The following SHQ1 variants were observed in gnomAD, a reference collection of about 807,000 sequenced individuals.
SHQ1 encodes the protein protein SHQ1 homolog.
Under a neutral mutation model 53.8 loss-of-function variants are expected in SHQ1, and 49 were observed. That is an observed-to-expected ratio of 0.91 (90% CI 0.72 to 1.16). The LOEUF is 1.16. Ranked by LOEUF, SHQ1 falls within the 50% of genes most tolerant of loss-of-function variation. The pLI is 0.00. For synonymous variants in SHQ1, 243 were observed against 251.0 expected (o/e 0.97, Z 0.30); for missense variants, 738 against 683.1 (o/e 1.08, Z -0.90).
chr3:72,844,388 C>T lies in SHQ1; in HGVS notation c.179G>A (p.Ser60Asn). ...ATCTGCATCATAGGACCCTTGCTCA[C>T]TTCCATTTTCTACAATTCTTCCAGG... ...TLPGRIVENG[S>N]EQGSYDADKG... Residue 60 changes from serine to asparagine, a missense_variant, in exon 2 of 11, where the codon AGT becomes AAT. Ser to Asn is a conservative substitution (Grantham distance 46, BLOSUM62 1). Coordinates refer to ENST00000325599, the MANE Select transcript of SHQ1 (RefSeq NM_018130.3). The T allele has an allele frequency of 1.9e-6, 3 of 1,613,858 alleles. No individual in the cohort carries two copies.
chr3:72,844,999 G>GA (rs1457078512), intron 1 of SHQ1, among the ~76,000 whole-genome samples: 7 of 152,106 alleles, frequency 4.6e-5, no homozygotes, highest in Admixed American at 1.3e-4. Context: ...CAAAACTCTA[G>GA]AAAATCTGAA....
intron 3 of SHQ1, among the ~76,000 whole-genome samples, chr3:72,841,814 C>T (rs1319218077): frequency 6.6e-6 from 1 of 152,174 alleles, no homozygotes; most frequent in Non-Finnish European, 1.5e-5. Context: ...CCTTCGCAGG[C>T]ACAGTTCACA....
intron 5 of SHQ1, among the ~76,000 whole-genome samples, chr3:72,828,725 T>C (rs1269887744): frequency 6.6e-6 from 1 of 151,910 alleles, no homozygotes; most frequent in African/African-American, 2.4e-5. Flanking sequence ...CCGTGTGGTA[T>C]AGGTGGGGAA....
chr3:72,732,044 A>T, the SHQ1 span, among the ~76,000 whole-genome samples: 1 of 151,638 alleles, frequency 6.6e-6, no homozygotes, highest in Non-Finnish European at 1.5e-5. Flanking sequence ...ACAGGTCACC[A>T]GGGAAATCCC....
rs1707350385 is a variant in SHQ1 at position 72,817,357 on chromosome 3, T to A, written c.755A>T (p.Gln252Leu). Residue 252 changes from glutamine (Q) to leucine (L), a missense_variant, in exon 7 of 11, where the codon CAG (glutamine) becomes CTG (leucine). By Grantham distance (113) the Gln-to-Leu change is moderately radical. Transcript: ENST00000325599. ...LVSFSEEEKY[Q>L]LRKFVNKSYL... ...AGATTTATTGACAAATTTTCGTAGC[T>A]GATACTTCTCTTCTTCAGAAAAAGA... 1.2e-6 allele frequency: 2 copies of A among 1,612,122 alleles called. No homozygotes were observed. The highest frequency in any genetic ancestry group is 2.7e-5 in the African/African-American group (2 of 74,862).
At chr3:72,789,648 T>C (rs965441935) in intron 10 of SHQ1, among the ~76,000 whole-genome samples, 5 of 152,362 alleles carry the variant, frequency 3.3e-5, no homozygotes, top group Middle Eastern at 3.4e-3. Flanking sequence ...ATAGGTATCA[T>C]TCAATTTGAG....
intron 10 of SHQ1, among the ~76,000 whole-genome samples, chr3:72,784,080 A>G (rs1000569644): frequency 2.0e-5 from 3 of 151,962 alleles, no homozygotes; most frequent in African/African-American, 7.3e-5. Context: ...GGAACTCTGT[A>G]CTATCTCTGC....
At chr3:72,745,937 G>T (rs1449235245), downstream of SHQ1, among the ~76,000 whole-genome samples, 1 of 151,702 alleles carries the variant, frequency 6.6e-6, no homozygotes, top group Non-Finnish European at 1.5e-5. Flanking sequence ...CCGCCTCCCA[G>T]GTTCAAGTGA....
At chr3:72,738,574 C>A in the SHQ1 span, among the ~76,000 whole-genome samples, 2 of 152,166 alleles carry the variant, frequency 1.3e-5, no homozygotes, top group Non-Finnish European at 2.9e-5. Flanking sequence ...TCTGACTCTT[C>A]TAGGACAGCC....
intron 10 of SHQ1, chr3:72,772,680 G>T: frequency 1.4e-6 from 1 of 723,466 alleles, no homozygotes; most frequent in Non-Finnish European, 2.6e-6. Context: ...CTTCCATCAA[G>T]TAAGAGCTTG....
At chr3:72,725,442 G>A in the SHQ1 span, among the ~76,000 whole-genome samples, 1 of 152,092 alleles carries the variant, frequency 6.6e-6, no homozygotes, top group Non-Finnish European at 1.5e-5. Flanking sequence ...TCATCCTGGG[G>A]CCTCACAGGG....
intron 10 of SHQ1, among the ~76,000 whole-genome samples, chr3:72,788,389 A>G (rs375115272): frequency 5.8e-4 from 85 of 146,516 alleles, no homozygotes; most frequent in African/African-American, 2.0e-3. Context: ...GGTGAGGAGC[A>G]TCTCTGACCA....
At chr3:72,732,474 C>T in the SHQ1 span, among the ~76,000 whole-genome samples, 2 of 148,352 alleles carry the variant, frequency 1.3e-5, no homozygotes, top group Non-Finnish European at 3.0e-5. Flanking sequence ...TTACTTGTAT[C>T]CAAACACATT....
intron 10 of SHQ1, among the ~76,000 whole-genome samples, chr3:72,784,593 AC>A (rs1375367178): frequency 1.3e-5 from 2 of 152,254 alleles, no homozygotes; most frequent in Non-Finnish European, 2.9e-5. Context: ...CAGAATAAGC[AC>A]CTTACCAAGA....
chr3:72,780,443 T>A (rs1017017761), intron 10 of SHQ1, among the ~76,000 whole-genome samples: 2 of 152,232 alleles, frequency 1.3e-5, no homozygotes, highest in African/African-American at 4.8e-5. Flanking sequence ...TTTCTTCTAG[T>A]AAGAACTAAA....
chr3:72,798,377 G>C (rs775680984), intron 9 of SHQ1, among the ~76,000 whole-genome samples: 10 of 152,190 alleles, frequency 6.6e-5, no homozygotes, highest in Non-Finnish European at 1.0e-4. Flanking sequence ...GTTCACTCAT[G>C]AAAGCAGTTT....
At position 72,795,308 on chromosome 3, in the gene SHQ1, T is replaced by A. The variant is rs188708150; in HGVS notation, c.1061-2272A>T. On this transcript the variant is annotated intron_variant, in intron 9 of 10. Coordinates refer to ENST00000325599, the MANE Select transcript of SHQ1 (RefSeq NM_018130.3). ...GTTCATTTGGTTAAGGCAAGGTCAG[T>A]GCTATGGCTTATCAAAGTGGCACAG... is the stretch of plus-strand genomic sequence containing the variant. 5.9e-5 allele frequency: 9 copies of A among 152,358 alleles called. No individual in the cohort carries two copies. In the East Asian group the frequency reaches 1.5e-3, roughly 26 times the overall value. 9.4% of individuals were successfully genotyped at this position (152,358 alleles called of 1,614,324 possible). A position where few individuals can be genotyped will look rare whatever the true frequency, so the allele number is the denominator to read the frequency against.
At chr3:72,786,146 A>T (rs1575691363) in intron 10 of SHQ1, among the ~76,000 whole-genome samples, 2 of 152,188 alleles carry the variant, frequency 1.3e-5, no homozygotes, top group East Asian at 3.9e-4. Flanking sequence ...CTGCCTCTCA[A>T]ATCTGATGAC....
At position 72,803,900 on chromosome 3, in the gene SHQ1, G is replaced by C. The variant is rs148830643; in HGVS notation, c.1060+8771C>G. On this transcript the variant is annotated intron_variant, in intron 9 of 10. Transcript: ENST00000325599. ...ACAAGATGGATTTGGCCTGTGGATG[G>C]CCATTAAGGTAATTTCTTTTTTCTT... is the stretch of plus-strand genomic sequence containing the variant. 2.0e-3 allele frequency among the ~76,000 whole-genome samples: 303 copies of C among 152,176 alleles called. 2 individuals are homozygous for C. The highest frequency in any genetic ancestry group is 6.7e-3 in the African/African-American group (278 of 41,532).
Sources: gnomAD v4.1 joint callset for allele counts (sites outside exome capture counted in the v4.1 genomes callset) on GRCh38, gnomAD v4.1.1 for gene constraint, MANE v1.5 for transcripts, NCBI Gene and HGNC (gene_info 2026-07-23, HGNC 2026-07-21) for gene names.